ASTN2: variants seen among roughly 807,000 people sequenced by gnomAD.
ASTN2 encodes astrotactin 2, also known as astrotactin-2.
Under a neutral mutation model 139.8 loss-of-function variants are expected in ASTN2, and 54 were observed. The ratio of observed to expected loss-of-function variants is 0.39; its 90% CI spans 0.31 to 0.48. The LOEUF is 0.48. Among genes scored for constraint, ASTN2 ranks in the 20% least tolerant of loss-of-function variants. The pLI, the probability that ASTN2 is intolerant of heterozygous loss-of-function variation, is 0.95. For missense variants in ASTN2, 1,565 were observed against 1,725.1 expected (o/e 0.91, Z 1.64); for synonymous variants, 756 against 719.5 (o/e 1.05, Z -0.81).
At chr9:117,275,504 C>G (rs1834164258) in intron 2 of ASTN2, among the ~76,000 whole-genome samples, 1 of 151,212 alleles carries the variant, frequency 6.6e-6, no homozygotes, top group Non-Finnish European at 1.5e-5. Flanking sequence ...CTTGCCCTGT[C>G]TTCCCATGGC....
chr9:116,990,039 A>T (rs530087295), intron 7 of ASTN2, among the ~76,000 whole-genome samples: 129 of 152,130 alleles, frequency 8.5e-4, no homozygotes, highest in Non-Finnish European at 1.5e-3. Context: ...TTCTTTTAGA[A>T]TGCTCTGCAG....
chr9:117,145,737 T>C (rs1462824420), intron 3 of ASTN2, among the ~76,000 whole-genome samples: 2 of 152,196 alleles, frequency 1.3e-5, no homozygotes, highest in Non-Finnish European at 1.5e-5. Context: ...AGCCACTTCA[T>C]TGAATTCTTT....
At chr9:116,970,593 C>T (rs960743981) in intron 10 of ASTN2, among the ~76,000 whole-genome samples, 1 of 152,132 alleles carries the variant, frequency 6.6e-6, no homozygotes, top group African/African-American at 2.4e-5. Flanking sequence ...ATTTTTATAT[C>T]TCTATTACTT....
At chr9:116,489,967 TG>T (rs1287014211) in intron 19 of ASTN2, among the ~76,000 whole-genome samples, 1 of 152,172 alleles carries the variant, frequency 6.6e-6, no homozygotes, top group Non-Finnish European at 1.5e-5. Context: ...CACCATGGGC[TG>T]CAAGTCCTTA....
chr9:116,481,215 A>G (rs557916152), intron 20 of ASTN2, among the ~76,000 whole-genome samples: 1 of 152,252 alleles, frequency 6.6e-6, no homozygotes, highest in African/African-American at 2.4e-5. Context: ...TCCCGTCTCT[A>G]CAAAAGATAC....
chr9:117,016,726 T>TTA (rs1284415495), intron 6 of ASTN2, among the ~76,000 whole-genome samples: 17 of 140,380 alleles, frequency 1.2e-4, no homozygotes, highest in East Asian at 2.0e-4. Context: ...TATATATATG[T>TTA]TATATATATA....
At chr9:116,952,560 G>A (rs1200243706) in intron 10 of ASTN2, among the ~76,000 whole-genome samples, 1 of 152,204 alleles carries the variant, frequency 6.6e-6, no homozygotes, top group Non-Finnish European at 1.5e-5. Context: ...CACAGGCTGT[G>A]AGGCCTCAGG....
rs77808236 is a variant in ASTN2, at chr9:116,564,488, G to A, written c.3355+53836C>T. Among the ~76,000 whole-genome samples the A allele has an allele frequency of 0.019, 2,887 of 152,240 alleles. 398 individuals are homozygous for A. The South Asian group carries it at 0.3, about 16-fold the overall frequency. On this transcript the variant is annotated intron_variant, in intron 19 of 22. Transcript: ENST00000313400. ...ACAGTTAATAGCTCACCCAATAAAC[G>A]GGTGTGTAACAAAGTCTACTGCAAG...
At chr9:117,182,326 G>GACACAC (rs35259944) in intron 3 of ASTN2, among the ~76,000 whole-genome samples, 22 of 149,266 alleles carry the variant, frequency 1.5e-4, no homozygotes, top group African/African-American at 4.4e-4. Flanking sequence ...CACAGACACA[G>GACACAC]ACACACACAC....
chr9:116,772,447 G>C (rs1749650798), intron 13 of ASTN2, among the ~76,000 whole-genome samples: 1 of 152,148 alleles, frequency 6.6e-6, no homozygotes, highest in Non-Finnish European at 1.5e-5. Flanking sequence ...GGAATTGTGA[G>C]TTCATTAAAC....
At chr9:116,556,467 G>C (rs998742350) in intron 19 of ASTN2, among the ~76,000 whole-genome samples, 1 of 152,064 alleles carries the variant, frequency 6.6e-6, no homozygotes, top group African/African-American at 2.4e-5. Flanking sequence ...TTAATTTTTC[G>C]TAAATAATTA....
intron 19 of ASTN2, among the ~76,000 whole-genome samples, chr9:116,544,203 A>G (rs57467982): frequency 0.012 from 1,856 of 152,280 alleles, 34 homozygotes; most frequent in African/African-American, 0.043. Context: ...AGACAGTCAT[A>G]CTAAGGAATA....
At chr9:117,236,738 T>C (rs1205855834) in intron 2 of ASTN2, among the ~76,000 whole-genome samples, 2 of 152,218 alleles carry the variant, frequency 1.3e-5, no homozygotes, top group Non-Finnish European at 2.9e-5. Flanking sequence ...ATTGATCCCA[T>C]GCAAAGGGTA....
intron 6 of ASTN2, among the ~76,000 whole-genome samples, chr9:117,025,715 G>C (rs1838049056): frequency 6.6e-6 from 1 of 152,074 alleles, no homozygotes; most frequent in Non-Finnish European, 1.5e-5. Flanking sequence ...GCAGGACACA[G>C]TGACATCTCC....
intron 13 of ASTN2, among the ~76,000 whole-genome samples, chr9:116,751,166 G>A (rs1829388434): frequency 6.9e-6 from 1 of 144,540 alleles, no homozygotes; most frequent in Non-Finnish European, 1.5e-5. Context: ...CTCATAAAAT[G>A]AGGACCGTAA....
intron 19 of ASTN2, among the ~76,000 whole-genome samples, chr9:116,526,645 G>T (rs542514904): frequency 1.4e-5 from 2 of 147,064 alleles, no homozygotes; most frequent in East Asian, 3.9e-4. Flanking sequence ...AGTGACAAAA[G>T]ATGTGAAAGT....
intron 20 of ASTN2, among the ~76,000 whole-genome samples, chr9:116,444,041 G>C (rs1847914593): frequency 6.6e-6 from 1 of 152,128 alleles, no homozygotes; most frequent in Non-Finnish European, 1.5e-5. Flanking sequence ...ACTGAGCTAA[G>C]AGTTACCTAC....
intron 10 of ASTN2, among the ~76,000 whole-genome samples, chr9:116,948,123 G>A (rs1835449502): frequency 6.6e-6 from 1 of 152,172 alleles, no homozygotes; most frequent in Non-Finnish European, 1.5e-5. Context: ...AGTGGTCCAT[G>A]ATTTTGATTT....
intron 2 of ASTN2, among the ~76,000 whole-genome samples, chr9:117,233,070 G>A (rs1020237090): frequency 6.6e-6 from 1 of 152,148 alleles, no homozygotes; most frequent in African/African-American, 2.4e-5. Flanking sequence ...TCTAGGAGGT[G>A]AGCTGGAGCT....
Sources: allele counts gnomAD v4.1 joint callset (sites outside exome capture counted in the v4.1 genomes callset), GRCh38; gene constraint gnomAD v4.1.1; transcripts MANE v1.5; gene names NCBI Gene and HGNC (gene_info 2026-07-23, HGNC 2026-07-21).